Variants in EXOC4 observed in about 807,000 individuals in gnomAD.
EXOC4 encodes the protein exocyst complex component 4, also known as SEC8-like 1.
In EXOC4, 71 loss-of-function variants were observed where a neutral mutation model predicts 107.2. The ratio of observed to expected loss-of-function variants is 0.66; its 90% CI spans 0.55 to 0.81. EXOC4 has a LOEUF of 0.81. Ranked by LOEUF, EXOC4 falls within the 30% of genes least tolerant of loss-of-function variation. The probability of loss-of-function intolerance (pLI) is 0.00; values close to 1 mark genes in which losing one functional copy is unlikely to be tolerated. For synonymous variants in EXOC4, 456 were observed against 441.2 expected (o/e 1.03, Z -0.42); for missense variants, 1,108 against 1,189.6 (o/e 0.93, Z 1.01).
At chr7:133,503,226 GT>G (rs1282425815) in intron 9 of EXOC4, among the ~76,000 whole-genome samples, 1 of 152,018 alleles carries the variant, frequency 6.6e-6, no homozygotes, top group Non-Finnish European at 1.5e-5. Context: ...CCTAGCATTG[GT>G]TTCTCTATTT....
At chr7:133,782,776 C>T (rs117390349) in intron 10 of EXOC4, among the ~76,000 whole-genome samples, 5 of 152,196 alleles carry the variant, frequency 3.3e-5, no homozygotes, top group African/African-American at 9.6e-5. Flanking sequence ...ATGCTGTGCA[C>T]GTGGAGAGAG....
At chr7:133,516,391 T>G (rs1799875815) in intron 9 of EXOC4, among the ~76,000 whole-genome samples, 1 of 152,156 alleles carries the variant, frequency 6.6e-6, no homozygotes. Context: ...GCAGACAAAA[T>G]TATTCTGTCT....
intron 9 of EXOC4, among the ~76,000 whole-genome samples, chr7:133,615,064 T>C (rs1802162454): frequency 1.3e-5 from 2 of 152,166 alleles, no homozygotes; most frequent in African/African-American, 4.8e-5. Flanking sequence ...GACCCTTCTA[T>C]GATATCGTCA....
At chr7:133,989,404 A>T (rs1189131365) in intron 14 of EXOC4, among the ~76,000 whole-genome samples, 1 of 152,310 alleles carries the variant, frequency 6.6e-6, no homozygotes, top group East Asian at 1.9e-4. Context: ...ATGAAAAGGG[A>T]TGAGCTCACT....
At chr7:133,639,046 G>A (rs371044760) in intron 10 of EXOC4, among the ~76,000 whole-genome samples, 2 of 152,134 alleles carry the variant, frequency 1.3e-5, no homozygotes, top group African/African-American at 4.8e-5. Flanking sequence ...AGCATTTGAC[G>A]AAATATGTTT....
At chr7:133,649,473 T>TC (rs1355631128) in intron 10 of EXOC4, among the ~76,000 whole-genome samples, 18 of 113,202 alleles carry the variant, frequency 1.6e-4, no homozygotes, top group African/African-American at 5.3e-4. Flanking sequence ...TTTTCTTTTT[T>TC]TTTTTTTTTT....
intron 11 of EXOC4, among the ~76,000 whole-genome samples, chr7:133,876,665 G>A (rs977976576): frequency 2.2e-4 from 33 of 151,926 alleles, no homozygotes; most frequent in Non-Finnish European, 3.1e-4. Context: ...ACTTCTCCAG[G>A]CCACCCCAGT....
At chr7:133,803,758 C>T (rs182358841) in intron 10 of EXOC4, among the ~76,000 whole-genome samples, 1 of 152,176 alleles carries the variant, frequency 6.6e-6, no homozygotes, top group East Asian at 1.9e-4. Context: ...GAATTTTTAA[C>T]TCTGATTTAG....
At chr7:133,664,527 T>A (rs1338513305) in intron 10 of EXOC4, among the ~76,000 whole-genome samples, 1 of 152,126 alleles carries the variant, frequency 6.6e-6, no homozygotes, top group Non-Finnish European at 1.5e-5. Context: ...CCCAGATCTT[T>A]ATGTCTGTGA....
chr7:133,545,675 C>G (rs960073281), intron 9 of EXOC4, among the ~76,000 whole-genome samples: 3 of 152,144 alleles, frequency 2.0e-5, no homozygotes, highest in African/African-American at 7.2e-5. Flanking sequence ...GTCTTAGAAG[C>G]AATCTAGTTT....
intron 5 of EXOC4, among the ~76,000 whole-genome samples, chr7:133,336,045 T>C (rs1024471106): frequency 6.6e-6 from 1 of 152,230 alleles, no homozygotes; most frequent in Non-Finnish European, 1.5e-5. Context: ...TTATTTGTTT[T>C]TGTTTCCGTT....
At chr7:133,690,302 C>G (rs1794391918) in intron 10 of EXOC4, among the ~76,000 whole-genome samples, 1 of 152,222 alleles carries the variant, frequency 6.6e-6, no homozygotes, top group Non-Finnish European at 1.5e-5. Flanking sequence ...GAGAAAGTCA[C>G]TTTTTAAGAT....
chr7:134,047,123 C>T (rs947995441), intron 17 of EXOC4, among the ~76,000 whole-genome samples: 8 of 152,156 alleles, frequency 5.3e-5, no homozygotes, highest in African/African-American at 1.9e-4. Context: ...TTTAAATTGA[C>T]TTTATGGCCT....
chr7:134,088,811 C>A, the EXOC4 span, among the ~76,000 whole-genome samples: 5 of 152,220 alleles, frequency 3.3e-5, no homozygotes, highest in African/African-American at 1.2e-4. Context: ...ACCTCTGTGG[C>A]ATACAGTGAT....
intron 7 of EXOC4, among the ~76,000 whole-genome samples, chr7:133,383,841 T>C (rs1464498385): frequency 1.3e-5 from 2 of 152,142 alleles, no homozygotes; most frequent in Non-Finnish European, 2.9e-5. Flanking sequence ...ATAACCTCTA[T>C]TTTGCGTGGC....
intron 10 of EXOC4, among the ~76,000 whole-genome samples, chr7:133,691,109 G>A (rs1794410146): frequency 6.6e-6 from 1 of 152,176 alleles, no homozygotes; most frequent in South Asian, 2.1e-4. Flanking sequence ...GCATATTTTA[G>A]GGTAGTATAT....
At chr7:133,971,627 G>T (rs965785221) in intron 14 of EXOC4, among the ~76,000 whole-genome samples, 3 of 151,758 alleles carry the variant, frequency 2.0e-5, no homozygotes, top group Admixed American at 2.0e-4. Flanking sequence ...AGGAGTAATT[G>T]CCTCCTTAAA....
chr7:133,353,235 C>G (rs969886244), intron 5 of EXOC4, among the ~76,000 whole-genome samples: 3 of 151,932 alleles, frequency 2.0e-5, no homozygotes, highest in Non-Finnish European at 4.4e-5. Flanking sequence ...ATATTTATTT[C>G]TTCATATGCC....
intron 5 of EXOC4, among the ~76,000 whole-genome samples, chr7:133,329,193 C>T (rs1795319782): frequency 6.6e-6 from 1 of 152,192 alleles, no homozygotes; most frequent in South Asian, 2.1e-4. Context: ...GATATCATTT[C>T]TTCCACTTGA....
Sources: gnomAD v4.1 joint callset for allele counts (sites outside exome capture counted in the v4.1 genomes callset) on GRCh38, gnomAD v4.1.1 for gene constraint, MANE v1.5 for transcripts, NCBI Gene and HGNC (gene_info 2026-07-23, HGNC 2026-07-21) for gene names.